Variants in LEMD1 observed in about 807,000 individuals in gnomAD.
The protein encoded by LEMD1 is LEM domain-containing protein 1.
A neutral mutation model predicts 17.4 loss-of-function variants in LEMD1; 18 were observed. That is an observed-to-expected ratio of 1.04 (90% CI 0.72 to 1.54). The LOEUF is 1.54. Ranked by LOEUF, LEMD1 falls within the 40% of genes most tolerant of loss-of-function variation. The pLI is 0.00. For synonymous variants in LEMD1, 88 were observed against 77.8 expected, an observed-to-expected ratio of 1.13 and a Z score of -0.69; for missense variants, 195 against 210.4, an observed-to-expected ratio of 0.93 and a Z score of 0.45.
At chr1:205,410,496 G>A (rs1665337805) in intron 4 of LEMD1, among the ~76,000 whole-genome samples, 3 of 152,106 alleles carry the variant, frequency 2.0e-5, no homozygotes, top group Admixed American at 1.3e-4. Context: ...CAACGTATAT[G>A]GTACAGAATA....
At chr1:205,409,536 G>A (rs1266911262) in intron 4 of LEMD1, among the ~76,000 whole-genome samples, 1 of 152,040 alleles carries the variant, frequency 6.6e-6, no homozygotes, top group Non-Finnish European at 1.5e-5. Context: ...AAGACATAGA[G>A]AGGTTGAGTG....
At chr1:205,422,635 C>A (rs1027543466), upstream of LEMD1, among the ~76,000 whole-genome samples, 2 of 151,738 alleles carry the variant, frequency 1.3e-5, no homozygotes, top group African/African-American at 4.8e-5. Context: ...AAGCCTACTT[C>A]TTGTTGTTGT....
intron 1 of LEMD1, among the ~76,000 whole-genome samples, chr1:205,444,196 A>AAC (rs1032863265): frequency 4.0e-5 from 6 of 151,826 alleles, no homozygotes; most frequent in Admixed American, 3.9e-4. Context: ...CCCCCAGAAA[A>AAC]ACAGAAGCCC....
chr1:205,427,314 G>T (rs1284577011), intron 1 of LEMD1, among the ~76,000 whole-genome samples: 1 of 151,820 alleles, frequency 6.6e-6, no homozygotes. Context: ...CATGGCTCTG[G>T]GGTCCTGCAC....
intron 4 of LEMD1, among the ~76,000 whole-genome samples, chr1:205,390,058 A>T (rs1394710290): frequency 3.0e-5 from 4 of 133,582 alleles, no homozygotes; most frequent in African/African-American, 1.0e-4. Context: ...CCTGGTTTTT[A>T]AAAAATCTTC....
chr1:205,402,697 T>C (rs887263134), intron 4 of LEMD1, among the ~76,000 whole-genome samples: 7 of 151,318 alleles, frequency 4.6e-5, no homozygotes, highest in African/African-American at 1.7e-4. Flanking sequence ...TTTATTTCCT[T>C]CTCCTGCCTA....
At chr1:205,412,399 T>C (rs1665491866) in intron 4 of LEMD1, among the ~76,000 whole-genome samples, 1 of 152,206 alleles carries the variant, frequency 6.6e-6, no homozygotes. Flanking sequence ...GCATATGTGA[T>C]TTGATAAAGC....
At chr1:205,437,407 G>C (rs1421308596) in intron 1 of LEMD1, 1 of 152,326 alleles carries the variant, frequency 6.6e-6, no homozygotes, top group East Asian at 1.9e-4. Flanking sequence ...AGGACCTGGA[G>C]TCAGAGTCTA....
At chr1:205,446,663 G>A (rs1444657635) in intron 1 of LEMD1, among the ~76,000 whole-genome samples, 1 of 152,164 alleles carries the variant, frequency 6.6e-6, no homozygotes, top group Non-Finnish European at 1.5e-5. Context: ...TCAGGTGCCT[G>A]GACAGCCTCA....
At chr1:205,412,957 G>A (rs1228973072) in intron 4 of LEMD1, among the ~76,000 whole-genome samples, 4 of 152,162 alleles carry the variant, frequency 2.6e-5, no homozygotes, top group Admixed American at 1.3e-4. Context: ...GAGGTTTACC[G>A]AATGGAAAGG....
chr1:205,424,261 T>A (rs1324742711), upstream of LEMD1, among the ~76,000 whole-genome samples: 1 of 152,120 alleles, frequency 6.6e-6, no homozygotes, highest in East Asian at 1.9e-4. Flanking sequence ...TGCCTCTGAG[T>A]CTCCACTATG....
chr1:205,442,993 T>C lies in LEMD1; in HGVS notation c.-39+6875A>G, dbSNP rs148988406. Among the ~76,000 whole-genome samples, 1,339 of 152,264 alleles carry C rather than the reference T, an allele frequency of 8.8e-3. 11 individuals carry two copies. Among genetic ancestry groups the C allele is most frequent in the Non-Finnish European group, 0.014 (979 of 68,020 alleles). ...GTGTACCAGGAGATTAGGCAAGATTTAACACTAAGACCCCAAACCTAAGGG... is the reference window on the plus strand; with the variant it reads ...GTGTACCAGGAGATTAGGCAAGATTCAACACTAAGACCCCAAACCTAAGGG... On this transcript the variant is annotated intron_variant, in intron 1 of 3. Transcript: ENST00000367154.
intron 4 of LEMD1, among the ~76,000 whole-genome samples, chr1:205,412,696 A>G (rs1458164852): frequency 6.6e-6 from 1 of 152,238 alleles, no homozygotes; most frequent in East Asian, 1.9e-4. Context: ...AAGGATGAAC[A>G]GATGTCTTGA....
intron 1 of LEMD1, among the ~76,000 whole-genome samples, chr1:205,430,421 G>C (rs1355681504): frequency 1.3e-5 from 2 of 152,202 alleles, no homozygotes; most frequent in African/African-American, 2.4e-5. Flanking sequence ...TATAGAGGGA[G>C]GCTATGGAGA....
chr1:205,403,817 C>T (rs1484735010), intron 4 of LEMD1, among the ~76,000 whole-genome samples: 1 of 151,828 alleles, frequency 6.6e-6, no homozygotes, highest in Non-Finnish European at 1.5e-5. Context: ...TGGATCTTTC[C>T]TGCTTTCTCT....
intron 1 of LEMD1, chr1:205,434,802 TCTGCTG>T (rs1469055761): frequency 2.0e-5 from 3 of 152,310 alleles, no homozygotes; most frequent in Admixed American, 6.5e-5. Flanking sequence ...ATGTTTAGCT[TCTGCTG>T]CTGCAGTGTA....
At chr1:205,389,192 G>A (rs1442047115) in intron 4 of LEMD1, among the ~76,000 whole-genome samples, 1 of 151,720 alleles carries the variant, frequency 6.6e-6, no homozygotes. Context: ...GAGACTACAG[G>A]TGCATGCCAC....
At chr1:205,446,244 A>T (rs995686118) in intron 1 of LEMD1, among the ~76,000 whole-genome samples, 1 of 152,226 alleles carries the variant, frequency 6.6e-6, no homozygotes. Flanking sequence ...GAGACAAAGA[A>T]TAGAATGGAG....
At chr1:205,443,349 A>G (rs1016909911) in intron 1 of LEMD1, among the ~76,000 whole-genome samples, 4 of 151,852 alleles carry the variant, frequency 2.6e-5, no homozygotes, top group East Asian at 1.9e-4. Flanking sequence ...TTTCTTAAAA[A>G]CAGCAGAATA....
Sources: gnomAD v4.1 joint callset for allele counts (sites outside exome capture counted in the v4.1 genomes callset) on GRCh38, gnomAD v4.1.1 for gene constraint, MANE v1.5 for transcripts, NCBI Gene and HGNC (gene_info 2026-07-23, HGNC 2026-07-21) for gene names.